Variants in ASPRV1 observed in about 807,000 individuals in gnomAD.
The protein encoded by ASPRV1 is retroviral-like aspartic protease 1.
In ASPRV1, 7 loss-of-function variants were observed where a neutral mutation model predicts 11.0. The observed-to-expected ratio is 0.64, with a 90% CI of 0.36 to 1.20. ASPRV1 has a LOEUF of 1.20. ASPRV1 is among the 50% of genes most tolerant of loss of function. ASPRV1 has a pLI of 0.02. For synonymous variants in ASPRV1, 136 were observed against 138.4 expected, an observed-to-expected ratio of 0.98 and a Z score of 0.12; for missense variants, 299 against 320.0, an observed-to-expected ratio of 0.93 and a Z score of 0.50.
At chr2:70,000,936 G>T in the ASPRV1 span, among the ~76,000 whole-genome samples, 1 of 151,390 alleles carries the variant, frequency 6.6e-6, no homozygotes, top group African/African-American at 2.4e-5. Context: ...GAAAAGGAAA[G>T]CAAACTAAAG....
chr2:70,041,244 T>C, the ASPRV1 span, among the ~76,000 whole-genome samples: 2 of 152,204 alleles, frequency 1.3e-5, no homozygotes, highest in South Asian at 2.1e-4. Flanking sequence ...CAAGAGGACC[T>C]AGTAATTTCT....
At chr2:70,075,215 T>C in the ASPRV1 span, 2 of 148,948 alleles carry the variant, frequency 1.3e-5, no homozygotes, top group Non-Finnish European at 3.0e-5. Flanking sequence ...TTCACGCCAT[T>C]CTCCTGCCTC....
the ASPRV1 span, among the ~76,000 whole-genome samples, chr2:70,063,308 T>A: frequency 6.6e-6 from 1 of 152,198 alleles, no homozygotes; most frequent in Non-Finnish European, 1.5e-5. Flanking sequence ...TACCTTCGGA[T>A]CCCACCATTC....
upstream of ASPRV1, chr2:69,964,331 A>C (rs982690889): frequency 1.5e-5 from 7 of 455,186 alleles, no homozygotes; most frequent in Non-Finnish European, 2.7e-5. Context: ...TCCCTCTGGG[A>C]CCTCCACAAC....
the ASPRV1 span, among the ~76,000 whole-genome samples, chr2:70,042,938 T>A: frequency 1.3e-5 from 2 of 152,156 alleles, no homozygotes; most frequent in African/African-American, 4.8e-5. Flanking sequence ...AATAGGAATA[T>A]GGACAGTGAA....
the ASPRV1 span, among the ~76,000 whole-genome samples, chr2:69,948,045 A>C: frequency 6.6e-6 from 1 of 151,654 alleles, no homozygotes. Flanking sequence ...CAGATTTTTT[A>C]GGAGTAAGCC....
At chr2:69,959,848 A>C (rs1372764565), downstream of ASPRV1, among the ~76,000 whole-genome samples, 1 of 152,254 alleles carries the variant, frequency 6.6e-6, no homozygotes, top group Non-Finnish European at 1.5e-5. Context: ...TTGTATGCTA[A>C]AATACTACAG....
the ASPRV1 span, among the ~76,000 whole-genome samples, chr2:70,076,035 C>A: frequency 1.3e-5 from 2 of 152,170 alleles, no homozygotes; most frequent in Non-Finnish European, 1.5e-5. Flanking sequence ...AACACCCAAT[C>A]CCTCAGCAGG....
At chr2:70,021,100 C>G in the ASPRV1 span, among the ~76,000 whole-genome samples, 1 of 152,130 alleles carries the variant, frequency 6.6e-6, no homozygotes, top group Non-Finnish European at 1.5e-5. Flanking sequence ...TGGTGGCCAC[C>G]ATTCCATTCT....
At chr2:70,077,169 G>A in the ASPRV1 span, 3 of 152,158 alleles carry the variant, frequency 2.0e-5, no homozygotes, top group Non-Finnish European at 4.4e-5. Context: ...TCTTAGCACA[G>A]TGCCCGGTTC....
At chr2:70,032,919 T>G in the ASPRV1 span, among the ~76,000 whole-genome samples, 1 of 152,066 alleles carries the variant, frequency 6.6e-6, no homozygotes, top group Non-Finnish European at 1.5e-5. Flanking sequence ...AGGAATAACA[T>G]GATGGTTCCT....
At chr2:69,979,915 C>G in the ASPRV1 span, among the ~76,000 whole-genome samples, 2 of 152,202 alleles carry the variant, frequency 1.3e-5, no homozygotes, top group African/African-American at 4.8e-5. Context: ...TACACAGTGA[C>G]TTCACGATCA....
chr2:69,960,148 C>A lies in ASPRV1; in HGVS notation c.*509G>T, dbSNP rs1445924243. The A allele has an allele frequency of 6.4e-6, 1 of 155,372 alleles. No homozygotes were observed. Among genetic ancestry groups the A allele is most frequent in the African/African-American group, 2.4e-5 (1 of 41,460 alleles). The allele number at this position is 155,372 out of a possible 1,614,324, so 9.6% of individuals were successfully genotyped here. A position where few individuals can be genotyped will look rare whatever the true frequency, so the allele number is the denominator to read the frequency against. On this transcript the variant is annotated 3_prime_UTR_variant, in exon 1 of 1. Transcript: ENST00000320256. ...GCAATTGAATTATTGGCATAAGGCA[C>A]AATGGGCTTCAAAGCAAATGACAGA...
chr2:69,952,662 G>A, the ASPRV1 span, among the ~76,000 whole-genome samples: 1 of 152,168 alleles, frequency 6.6e-6, no homozygotes, highest in Non-Finnish European at 1.5e-5. Context: ...CAAGCTGTGA[G>A]TTACCTCATC....
the ASPRV1 span, among the ~76,000 whole-genome samples, chr2:70,004,528 CAA>C: frequency 7.9e-4 from 43 of 54,614 alleles, no homozygotes; most frequent in South Asian, 4.2e-3. Flanking sequence ...AACTCCATCT[CAA>C]AAAAAAAAAA....
chr2:70,052,312 T>C, the ASPRV1 span, among the ~76,000 whole-genome samples: 1 of 152,150 alleles, frequency 6.6e-6, no homozygotes, highest in Non-Finnish European at 1.5e-5. Flanking sequence ...TGAACTATAA[T>C]TCAGCCCTTT....
the ASPRV1 span, among the ~76,000 whole-genome samples, chr2:70,038,083 T>G: frequency 6.6e-6 from 1 of 152,246 alleles, no homozygotes; most frequent in Non-Finnish European, 1.5e-5. Flanking sequence ...CTTTTATTGT[T>G]GCTTTTACCT....
chr2:70,042,428 G>A, the ASPRV1 span, among the ~76,000 whole-genome samples: 66 of 152,306 alleles, frequency 4.3e-4, no homozygotes, highest in Non-Finnish European at 7.8e-4. Flanking sequence ...CCTGGCCAGG[G>A]AAAGTGTGGA....
chr2:70,000,328 A>AG, the ASPRV1 span, among the ~76,000 whole-genome samples: 1 of 143,506 alleles, frequency 7.0e-6, no homozygotes, highest in Non-Finnish European at 1.5e-5. Context: ...CAAAAAAAAA[A>AG]AAAAAAACCA....
Sources: allele counts gnomAD v4.1 joint callset (sites outside exome capture counted in the v4.1 genomes callset), GRCh38; gene constraint gnomAD v4.1.1; transcripts MANE v1.5; gene names NCBI Gene and HGNC (gene_info 2026-07-23, HGNC 2026-07-21).